Variants in SBF2 observed in about 807,000 individuals in gnomAD.
SBF2 encodes the protein myotubularin-related protein 13.
A neutral mutation model predicts 225.2 loss-of-function variants in SBF2; 112 were observed. The observed-to-expected ratio is 0.50, with a 90% CI of 0.43 to 0.58. SBF2 has a LOEUF of 0.58. Ranked by LOEUF, SBF2 falls within the 20% of genes least tolerant of loss-of-function variation. SBF2 has a pLI of 0.00. For missense variants in SBF2, 1,996 were observed against 2,206.2 expected (o/e 0.90, Z 1.91); for synonymous variants, 763 against 773.3 (o/e 0.99, Z 0.22).
At chr11:9,848,518 TAAGC>T (rs1470628075) in intron 22 of SBF2, among the ~76,000 whole-genome samples, 1 of 152,148 alleles carries the variant, frequency 6.6e-6, no homozygotes, top group South Asian at 2.1e-4. Flanking sequence ...AATGACCACA[TAAGC>T]AAGGAAAAGG....
At chr11:10,041,888 T>C (rs1473433805) in intron 3 of SBF2, among the ~76,000 whole-genome samples, 1 of 150,552 alleles carries the variant, frequency 6.6e-6, no homozygotes, top group African/African-American at 2.4e-5. Flanking sequence ...GTTTCCTTCT[T>C]GTATTATAGA....
At chr11:10,298,417 A>G (rs1964567842), upstream of SBF2, among the ~76,000 whole-genome samples, 1 of 152,256 alleles carries the variant, frequency 6.6e-6, no homozygotes, top group African/African-American at 2.4e-5. Flanking sequence ...AAAATTTTAA[A>G]AAAGACAAAA....
intron 1 of SBF2, among the ~76,000 whole-genome samples, chr11:10,267,814 A>T (rs1167046507): frequency 1.3e-5 from 2 of 152,140 alleles, no homozygotes; most frequent in African/African-American, 4.8e-5. Context: ...GGGAGAAGGG[A>T]GTAATATGGT....
At chr11:9,959,456 G>C (rs116509955) in intron 16 of SBF2, 12 of 1,040,828 alleles carry the variant, frequency 1.2e-5, no homozygotes, top group South Asian at 8.8e-5. Flanking sequence ...TCCCTTATCC[G>C]TTTACAGGTG....
intron 16 of SBF2, among the ~76,000 whole-genome samples, chr11:9,926,107 C>T (rs1408055738): frequency 6.6e-6 from 1 of 152,202 alleles, no homozygotes; most frequent in Non-Finnish European, 1.5e-5. Flanking sequence ...CCATTGCAGA[C>T]TATCTGTAAT....
chr11:10,093,037 GA>G lies in SBF2; in HGVS notation c.142-50057del, dbSNP rs533895618. On this transcript the variant is annotated intron_variant, in intron 2 of 39. Coordinates refer to ENST00000256190, the MANE Select transcript of SBF2 (RefSeq NM_030962.4). ...TCCTTCTTTCTTTTTTTTTTTGTTT[GA>G]GACAGGGTCTTGCTGTTACCCAGGC... Among the ~76,000 whole-genome samples the G allele has an allele frequency of 1.7e-4, 24 of 139,324 alleles. No homozygotes were observed. The East Asian group carries it at 4.8e-3, about 28-fold the overall frequency. The allele number at this position is 139,324 out of a possible 152,430, so 91.4% of individuals were successfully genotyped here.
chr11:10,196,866 A>ATATATTTTTT, intron 1 of SBF2, among the ~76,000 whole-genome samples: 44 of 99,300 alleles, frequency 4.4e-4, no homozygotes, highest in African/African-American at 1.5e-3. Flanking sequence ...ATATATATAT[A>ATATATTTTTT]TTTTTTTTTT....
At chr11:10,182,797 C>T (rs559623069) in intron 2 of SBF2, among the ~76,000 whole-genome samples, 4 of 150,800 alleles carry the variant, frequency 2.7e-5, no homozygotes, top group Admixed American at 6.6e-5. Flanking sequence ...TTTTTTGAGA[C>T]GGAGTCTTGC....
chr11:10,084,650 C>T (rs1012367212), intron 2 of SBF2, among the ~76,000 whole-genome samples: 1 of 152,146 alleles, frequency 6.6e-6, no homozygotes, highest in African/African-American at 2.4e-5. Flanking sequence ...TATTGTAGCA[C>T]TATTCACAAT....
At chr11:10,062,542 C>G (rs1441231350) in intron 2 of SBF2, among the ~76,000 whole-genome samples, 31 of 151,952 alleles carry the variant, frequency 2.0e-4, no homozygotes, top group Admixed American at 2.0e-3. Flanking sequence ...CATGAACAGA[C>G]CATTTTAAAA....
intron 13 of SBF2, among the ~76,000 whole-genome samples, chr11:9,979,078 G>A (rs1158169450): frequency 6.6e-6 from 1 of 152,206 alleles, no homozygotes; most frequent in Non-Finnish European, 1.5e-5. Flanking sequence ...CAGCCTTATA[G>A]TGAAAGAACA....
intron 28 of SBF2, among the ~76,000 whole-genome samples, chr11:9,823,483 A>AGAAG (rs750620499): frequency 2.6e-5 from 4 of 151,870 alleles, no homozygotes; most frequent in Non-Finnish European, 2.9e-5. Context: ...AAGGCTAGGA[A>AGAAG]GAAGAACTAG....
chr11:10,083,520 T>C (rs867224580), intron 2 of SBF2, among the ~76,000 whole-genome samples: 17 of 152,136 alleles, frequency 1.1e-4, no homozygotes, highest in African/African-American at 4.1e-4. Context: ...ATTGTACTAA[T>C]ATAAAAATAG....
At chr11:10,102,910 G>A (rs537257975) in intron 2 of SBF2, among the ~76,000 whole-genome samples, 1 of 152,232 alleles carries the variant, frequency 6.6e-6, no homozygotes, top group South Asian at 2.1e-4. Context: ...TTAAAAACTA[G>A]CTTTAGCATT....
chr11:10,076,485 C>A (rs1423641408), intron 2 of SBF2, among the ~76,000 whole-genome samples: 1 of 152,180 alleles, frequency 6.6e-6, no homozygotes, highest in East Asian at 1.9e-4. Context: ...GCTTTGGGTA[C>A]AGGAGTTGGG....
chr11:9,896,175 C>A (rs537684508), intron 16 of SBF2, among the ~76,000 whole-genome samples, 164 bp from the exon 17 acceptor site: 89 of 152,258 alleles, frequency 5.8e-4, no homozygotes, highest in African/African-American at 2.1e-3. Context: ...TCCAAATTGC[C>A]ATTAAGACAT....
chr11:10,270,986 C>A lies in SBF2; in HGVS notation c.55+23029G>T, dbSNP rs1266249420. Among the ~76,000 whole-genome samples the A allele has an allele frequency of 5.1e-5, 5 of 98,738 alleles. No individual in the cohort carries two copies. In the Admixed American group the frequency reaches 5.8e-4, roughly 11 times the overall value. The allele number at this position is 98,738 out of a possible 152,430, so 64.8% of individuals were successfully genotyped here. The stretch of plus-strand genomic sequence containing the variant: ...CTCCAGCCTGGGCGACAGAGCAAGA[C>A]TCTGTCTCAAAAAAAAAAAAAAAAA... On this transcript the variant is annotated intron_variant, in intron 1 of 39. Coordinates refer to ENST00000256190, the MANE Select transcript of SBF2 (RefSeq NM_030962.4).
chr11:10,112,075 T>A lies in SBF2; in HGVS notation c.142-69094A>T, dbSNP rs2083712. Among the ~76,000 whole-genome samples the A allele has an allele frequency of 7.8e-3, 1,184 of 152,328 alleles. 15 individuals are homozygous for A. The highest frequency in any genetic ancestry group is 0.027 in the African/African-American group (1,116 of 41,570). On this transcript the variant is annotated intron_variant, in intron 2 of 39. Coordinates refer to ENST00000256190, the MANE Select transcript of SBF2 (RefSeq NM_030962.4). The stretch of plus-strand genomic sequence containing the variant: ...CTAATTTCAAGAATCAAAGTATGAA[T>A]AAGACCAGCCATGAACTAAATGTCA...
Position 9,789,280 on chromosome 11 carries a change from G to A in SBF2, c.4761C>T (p.Thr1587=). ...LKKWDYYIEE[T]LSTGPSYDWM... is the part of the protein sequence containing the mutation. ...AGTCATAGGAAGGGCCTGTGGACAG[G>A]GTCTCTTCTATGTAGTAATCCCACT... is the stretch of plus-strand genomic sequence containing the variant. The change falls in exon 35 of 40, where the codon ACC becomes ACT. Residue 1587 remains threonine, a synonymous_variant. Coordinates refer to ENST00000256190, the MANE Select transcript of SBF2 (RefSeq NM_030962.4). The A allele has an allele frequency of 6.2e-7, 1 of 1,614,114 alleles. No homozygotes were observed. The highest frequency in any genetic ancestry group is 8.5e-7 in the Non-Finnish European group (1 of 1,180,026).
Sources: allele counts gnomAD v4.1 joint callset (sites outside exome capture counted in the v4.1 genomes callset), GRCh38; gene constraint gnomAD v4.1.1; transcripts MANE v1.5; gene names NCBI Gene and HGNC (gene_info 2026-07-23, HGNC 2026-07-21).